Variants in SPHKAP observed in about 807,000 individuals in gnomAD.
SPHKAP encodes SPHK1 interactor, AKAP domain containing, also known as A-kinase anchor protein SPHKAP.
A neutral mutation model predicts 137.5 loss-of-function variants in SPHKAP; 67 were observed. That is an observed-to-expected ratio of 0.49 (90% CI 0.40 to 0.60). SPHKAP has a LOEUF of 0.60. SPHKAP is among the 20% of genes least tolerant of loss of function. The pLI, the probability that SPHKAP is intolerant of heterozygous loss-of-function variation, is 0.00. For synonymous variants in SPHKAP, 813 were observed against 785.3 expected (o/e 1.04, Z -0.59); for missense variants, 2,097 against 2,069.3 (o/e 1.01, Z -0.26).
At chr2:228,026,146 T>G (rs1214463258) in intron 4 of SPHKAP, among the ~76,000 whole-genome samples, 1 of 152,184 alleles carries the variant, frequency 6.6e-6, no homozygotes, top group Non-Finnish European at 1.5e-5. Context: ...CCTTCCATCA[T>G]GATTGTGAGG....
At chr2:228,104,851 A>C (rs1344241685) in intron 3 of SPHKAP, among the ~76,000 whole-genome samples, 1 of 152,262 alleles carries the variant, frequency 6.6e-6, no homozygotes, top group Non-Finnish European at 1.5e-5. Flanking sequence ...TGGTCAAGGT[A>C]ATGTTAATGA....
chr2:228,046,724 G>T (rs1053317938), intron 3 of SPHKAP, among the ~76,000 whole-genome samples: 4 of 152,136 alleles, frequency 2.6e-5, no homozygotes, highest in African/African-American at 7.2e-5. Flanking sequence ...AAAATTCTTT[G>T]TAATATCATT....
chr2:228,007,083 A>T (rs1488402188), intron 7 of SPHKAP, among the ~76,000 whole-genome samples: 1 of 152,172 alleles, frequency 6.6e-6, no homozygotes, highest in East Asian at 1.9e-4. Context: ...GAAATGCAGA[A>T]ATCATCTGTC....
chr2:228,045,506 C>T (rs1696008160), intron 3 of SPHKAP, among the ~76,000 whole-genome samples: 4 of 151,412 alleles, frequency 2.6e-5, no homozygotes, highest in Admixed American at 2.0e-4. Context: ...GGACAAAAAA[C>T]CAAACACCAC....
At chr2:228,053,713 T>C (rs557170105) in intron 3 of SPHKAP, among the ~76,000 whole-genome samples, 24 of 152,346 alleles carry the variant, frequency 1.6e-4, no homozygotes, top group Non-Finnish European at 2.4e-4. Context: ...ATTTTCAAAT[T>C]ATTAGTTATT....
At chr2:228,154,849 T>G (rs909862538) in intron 1 of SPHKAP, among the ~76,000 whole-genome samples, 4 of 151,032 alleles carry the variant, frequency 2.6e-5, no homozygotes, top group African/African-American at 9.7e-5. Flanking sequence ...TTGAGCTACC[T>G]TGCCCAGCCA....
chr2:228,048,695 C>T (rs943274678), intron 3 of SPHKAP, among the ~76,000 whole-genome samples: 2 of 151,978 alleles, frequency 1.3e-5, no homozygotes, highest in East Asian at 1.9e-4. Flanking sequence ...GGTTTGTAGC[C>T]GAGAAGCAAT....
chr2:228,150,805 C>T (rs1482424557), intron 1 of SPHKAP, among the ~76,000 whole-genome samples: 2 of 151,928 alleles, frequency 1.3e-5, no homozygotes, highest in African/African-American at 4.8e-5. Context: ...GGCTGGAGTG[C>T]AGTGGTGCCA....
intron 8 of SPHKAP, among the ~76,000 whole-genome samples, chr2:227,995,240 C>T (rs1693589919): frequency 6.6e-6 from 1 of 152,196 alleles, no homozygotes; most frequent in Admixed American, 6.5e-5. Flanking sequence ...TTACAGTTGT[C>T]ATCATTGAAT....
chr2:228,002,514 G>C (rs949045726), intron 7 of SPHKAP, among the ~76,000 whole-genome samples: 2 of 152,052 alleles, frequency 1.3e-5, no homozygotes, highest in African/African-American at 2.4e-5. Flanking sequence ...CCATTTTGTA[G>C]GTTGCCTGTT....
rs1235292719 is a variant in SPHKAP, at chr2:228,016,808, T to C, written c.4046A>G (p.Asn1349Ser). 4 of 1,613,844 alleles carry C rather than the reference T, an allele frequency of 2.5e-6. No homozygotes were observed. The highest frequency in any genetic ancestry group is 3.4e-6 in the Non-Finnish European group (4 of 1,179,986). ...GCACATCCTGCTCGCAGCTAATCTA[T>C]TTGCACACTTCTCTGCTTGCGAGGG... is the stretch of plus-strand genomic sequence containing the variant. ...GSPSQAEKCA[N>S]RLAASRMCSG... The change falls in exon 7 of 12, where the codon AAT becomes AGT. Residue 1349 changes from asparagine (N) to serine (S), a missense_variant. Transcript: ENST00000392056.
intron 7 of SPHKAP, among the ~76,000 whole-genome samples, chr2:228,008,185 GTC>G (rs1694213967): frequency 6.6e-6 from 1 of 151,806 alleles, no homozygotes; most frequent in Non-Finnish European, 1.5e-5. Flanking sequence ...TTTTAATAAA[GTC>G]TATTTTATCA....
At chr2:227,999,923 A>C (rs1002629910) in intron 7 of SPHKAP, among the ~76,000 whole-genome samples, 2 of 152,220 alleles carry the variant, frequency 1.3e-5, no homozygotes, top group African/African-American at 4.8e-5. Context: ...CTCAGTTGGC[A>C]GAGATTTTAG....
At chr2:228,178,818 A>G (rs1267247421) in intron 1 of SPHKAP, among the ~76,000 whole-genome samples, 4 of 152,128 alleles carry the variant, frequency 2.6e-5, no homozygotes, top group Non-Finnish European at 5.9e-5. Flanking sequence ...CTGTGACGCA[A>G]TCCACATAAT....
At chr2:227,994,119 G>A (rs1559336682) in intron 8 of SPHKAP, 5 of 975,776 alleles carry the variant, frequency 5.1e-6, no homozygotes, top group Non-Finnish European at 6.1e-6. Flanking sequence ...ACATTCCATA[G>A]GATTTCATAG....
At chr2:227,993,489 T>C (rs750165715) in intron 9 of SPHKAP, 45 bp downstream of exon 9, 2 of 1,511,084 alleles carry the variant, frequency 1.3e-6, no homozygotes, top group Non-Finnish European at 9.1e-7. Context: ...CCAGATGGAA[T>C]TGGAGTAGTG....
At chr2:228,050,801 C>T (rs895028895) in intron 3 of SPHKAP, among the ~76,000 whole-genome samples, 1 of 151,814 alleles carries the variant, frequency 6.6e-6, no homozygotes, top group African/African-American at 2.4e-5. Flanking sequence ...TCCCCCACTC[C>T]ACCTTTATTT....
intron 3 of SPHKAP, among the ~76,000 whole-genome samples, chr2:228,066,217 C>T (rs1001196071): frequency 3.3e-5 from 5 of 152,140 alleles, no homozygotes; most frequent in African/African-American, 1.2e-4. Context: ...CCAAATGGTT[C>T]TTTTTCATTT....
Position 228,019,195 on chromosome 2 carries a change from G to A in SPHKAP, c.1659C>T (p.Ser553=), listed in dbSNP as rs759218731. The change falls in exon 7 of 12, where the codon TCC becomes TCT. Residue 553 remains serine (S), a synonymous_variant. Transcript: ENST00000392056. ...TCATGCCACACAAAGCAGATGGAAA[G>A]GAGTACTCATTGATGGAAGGTTCCT... The part of the protein sequence containing the change: ...GLKEPSINEY[S]FPSALCGMTQ... 1 of 1,613,824 alleles carries A rather than the reference G, an allele frequency of 6.2e-7. No homozygotes were observed. The highest frequency in any genetic ancestry group is 8.5e-7 in the Non-Finnish European group (1 of 1,180,032).
Sources: allele counts gnomAD v4.1 joint callset (sites outside exome capture counted in the v4.1 genomes callset), GRCh38; gene constraint gnomAD v4.1.1; transcripts MANE v1.5; gene names NCBI Gene and HGNC (gene_info 2026-07-23, HGNC 2026-07-21).